Variants in CEP41 observed in about 807,000 individuals in gnomAD.
CEP41 encodes centrosomal protein of 41 kDa.
In CEP41, 32 loss-of-function variants were observed where a neutral mutation model predicts 44.3. The ratio of observed to expected loss-of-function variants is 0.72; its 90% CI spans 0.54 to 0.97. CEP41 has a LOEUF of 0.97. Among genes scored for constraint, CEP41 ranks in the 50% least tolerant of loss-of-function variants. The pLI is 0.00. For synonymous variants in CEP41, 151 were observed against 168.5 expected (o/e 0.90, Z 0.80); for missense variants, 432 against 455.2 (o/e 0.95, Z 0.46).
chr7:130,440,909 T>C (rs1554427505), intron 1 of CEP41, 25 bp downstream of exon 1: 1 of 1,609,910 alleles, frequency 6.2e-7, no homozygotes, highest in East Asian at 2.2e-5. Context: ...CCCCTCCGGC[T>C]CTCCGGCCGA....
At chr7:130,431,796 G>A (rs1797829445) in intron 1 of CEP41, among the ~76,000 whole-genome samples, 1 of 152,156 alleles carries the variant, frequency 6.6e-6, no homozygotes, top group Admixed American at 6.5e-5. Context: ...AAACGATGCT[G>A]GAGAGGCAGC....
chr7:130,402,074 T>C, intron 7 of CEP41, 126 bp from the exon 8 acceptor site: 1 of 710,820 alleles, frequency 1.4e-6, no homozygotes, highest in Non-Finnish European at 2.5e-6. Context: ...CTGGGCATGG[T>C]GGCTAACACC....
At chr7:130,441,516 A>G (rs1450491191), upstream of CEP41, among the ~76,000 whole-genome samples, 1 of 152,224 alleles carries the variant, frequency 6.6e-6, no homozygotes, top group Non-Finnish European at 1.5e-5. Flanking sequence ...TAATATGCGA[A>G]TTATGCAAAA....
rs368178632 is a variant in CEP41, at chr7:130,416,957, A to G, written c.107T>C (p.Met36Thr). The change falls in exon 3 of 11, where the codon ATG becomes ACG. Residue 36 changes from methionine to threonine, a missense_variant. Coordinates refer to ENST00000223208, the MANE Select transcript of CEP41 (RefSeq NM_018718.3). ...TTCGAGCTTCTCAGTATATTTAGTC[A>G]TACTGTTACCTAAAAAGAAAATAAG... ...IKSRLDTGNS[M>T]TKYTEKLEEI... is the part of the protein sequence containing the mutation. 248 of 1,581,440 alleles carry G rather than the reference A, an allele frequency of 1.6e-4. No homozygotes were observed. The highest frequency in any genetic ancestry group is 2.0e-4 in the Admixed American group (12 of 59,982).
Position 130,411,203 on chromosome 7 carries a change from A to C in CEP41, c.208-12T>G. ...GCAACTTGGATGATCTGATAGAAAAAAGAATGAAATGTGTGGATGTTTGTT... is the reference window on the plus strand; with the variant it reads ...GCAACTTGGATGATCTGATAGAAAACAGAATGAAATGTGTGGATGTTTGTT... On this transcript the variant is annotated splice_polypyrimidine_tract_variant and intron_variant, in intron 4 of 10. Coordinates refer to ENST00000223208, the MANE Select transcript of CEP41 (RefSeq NM_018718.3). 1 of 1,609,444 alleles carries C rather than the reference A, an allele frequency of 6.2e-7. No individual in the cohort carries two copies. Among genetic ancestry groups the C allele is most frequent in the Non-Finnish European group, 8.5e-7 (1 of 1,175,780 alleles).
chr7:130,410,842 A>G (rs946147716), intron 5 of CEP41: 2 of 487,576 alleles, frequency 4.1e-6, no homozygotes, highest in Admixed American at 6.6e-5. Flanking sequence ...GTGTAGGTAC[A>G]AAGAATGCTA....
chr7:130,439,654 C>A lies in CEP41; in HGVS notation c.33+1280G>T, dbSNP rs556122282. ...TTTAGACATTACCAATTGACCATGG[C>A]TCTCTTGCAGGGCTTAGACTCAGCC... On this transcript the variant is annotated intron_variant, in intron 1 of 10. Transcript: ENST00000223208. Among the ~76,000 whole-genome samples, 9 of 152,312 alleles carry A rather than the reference C, an allele frequency of 5.9e-5. No homozygotes were observed. The South Asian group carries it at 1.9e-3, about 32-fold the overall frequency.
intron 1 of CEP41, among the ~76,000 whole-genome samples, chr7:130,440,067 T>C (rs1234523802): frequency 2.0e-5 from 3 of 152,136 alleles, no homozygotes; most frequent in Admixed American, 2.0e-4. Context: ...TCACCCAGGC[T>C]GGAGTGCAAT....
chr7:130,411,864 C>A (rs1797191412), intron 4 of CEP41, among the ~76,000 whole-genome samples: 1 of 152,062 alleles, frequency 6.6e-6, no homozygotes. Context: ...TTGAAACAAT[C>A]CAGGATCCAG....
intron 10 of CEP41, 159 bp downstream of exon 10, chr7:130,399,880 C>T: frequency 1.5e-6 from 1 of 680,908 alleles, no homozygotes; most frequent in Non-Finnish European, 2.6e-6. Flanking sequence ...ATTCTTGCCA[C>T]TATCTGGGGT....
At chr7:130,423,981 G>A (rs1469922740) in intron 2 of CEP41, among the ~76,000 whole-genome samples, 2 of 152,146 alleles carry the variant, frequency 1.3e-5, no homozygotes. Flanking sequence ...TCCCCATGTT[G>A]ACAAACAGGC....
intron 1 of CEP41, among the ~76,000 whole-genome samples, chr7:130,438,496 T>C (rs1465984117): frequency 2.6e-5 from 4 of 151,756 alleles, no homozygotes; most frequent in Admixed American, 6.6e-5. Context: ...GAGGTGGAGG[T>C]TGCAGTGAGC....
rs144086212 is a variant in CEP41, at chr7:130,416,623, A to T, written c.145+296T>A. On this transcript the variant is annotated intron_variant, in intron 3 of 10. Transcript: ENST00000223208. ...AAGAAGGGCATGAAGACTGCAGTAC[A>T]ATGACACTAGAAGCTTAAGCAGAGC... Among the ~76,000 whole-genome samples, 117 of 152,370 alleles carry T rather than the reference A, an allele frequency of 7.7e-4. 1 individual carries two copies. The East Asian group carries it at 0.022, about 29-fold the overall frequency.
In CEP41 at chr7:130,395,546, TA is replaced by T. The variant is rs1217009243; in HGVS notation, c.*3344del. 3 of 453,948 alleles carry T rather than the reference TA, an allele frequency of 6.6e-6. No homozygotes were observed. In the East Asian group the frequency reaches 2.1e-4, roughly 32 times the overall value. 28.1% of individuals were successfully genotyped at this position (453,948 alleles called of 1,614,324 possible). ...GTGGACAGAAACTAATTATTCGCTC[TA>T]AAAAAGTCAGATAACATAAAAGACA... is the stretch of plus-strand genomic sequence containing the variant. On this transcript the variant is annotated 3_prime_UTR_variant, in exon 11 of 11. Transcript: ENST00000223208.
chr7:130,407,991 A>T lies in CEP41; in HGVS notation c.277+3131T>A, dbSNP rs146121581. ...TAATATAATGTGAAAAGAGTAAAAAAGCAATAGGATCATGTGCACGAGGTA... is the reference window on the plus strand; with the variant it reads ...TAATATAATGTGAAAAGAGTAAAAATGCAATAGGATCATGTGCACGAGGTA... On this transcript the variant is annotated intron_variant, in intron 5 of 10. Coordinates refer to ENST00000223208, the MANE Select transcript of CEP41 (RefSeq NM_018718.3). Among the ~76,000 whole-genome samples the T allele has an allele frequency of 1.5e-3, 231 of 152,320 alleles. 1 individual carries two copies. In the East Asian group the frequency reaches 0.021, roughly 14 times the overall value.
chr7:130,412,485 C>T (rs188424707), intron 3 of CEP41, among the ~76,000 whole-genome samples: 9 of 152,308 alleles, frequency 5.9e-5, no homozygotes, highest in Admixed American at 5.9e-4. Context: ...GGTCTAGTGA[C>T]TACCCCTTGC....
At chr7:130,400,869 A>G (rs1796823520) in intron 8 of CEP41, 48 bp from the exon 9 acceptor site, 3 of 1,227,564 alleles carry the variant, frequency 2.4e-6, no homozygotes, top group Non-Finnish European at 3.6e-6. Context: ...CTGATGTCCC[A>G]AGACTACGAG....
chr7:130,434,309 A>C (rs1257077374), intron 1 of CEP41, among the ~76,000 whole-genome samples: 1 of 152,212 alleles, frequency 6.6e-6, no homozygotes, highest in Non-Finnish European at 1.5e-5. Context: ...TTACATCTCA[A>C]AAAAGCTCTT....
chr7:130,410,068 C>T (rs1225258843), intron 5 of CEP41, among the ~76,000 whole-genome samples: 2 of 125,148 alleles, frequency 1.6e-5, no homozygotes, highest in African/African-American at 6.3e-5. Flanking sequence ...CTGTGTTGCC[C>T]AGGCTGGAGT....
Sources: allele counts gnomAD v4.1 joint callset (sites outside exome capture counted in the v4.1 genomes callset), GRCh38; gene constraint gnomAD v4.1.1; transcripts MANE v1.5; gene names NCBI Gene and HGNC (gene_info 2026-07-23, HGNC 2026-07-21).